CHD1: variants seen among roughly 807,000 people sequenced by gnomAD.
CHD1 encodes the protein ATP-dependent chromatin remodeler CHD1.
Under a neutral mutation model 224.2 loss-of-function variants are expected in CHD1, and 36 were observed. That is an observed-to-expected ratio of 0.16 (90% CI 0.12 to 0.21). The LOEUF (loss-of-function observed/expected upper bound fraction) is 0.21. Among genes scored for constraint, CHD1 ranks in the 10% least tolerant of loss-of-function variants. CHD1 has a pLI of 1.00. For synonymous variants in CHD1, 668 were observed against 658.3 expected, an observed-to-expected ratio of 1.01 and a Z score of -0.23; for missense variants, 1,378 against 1,994.8, an observed-to-expected ratio of 0.69 and a Z score of 5.89.
chr5:98,926,264 AC>A, intron 2 of CHD1, 69 bp downstream of exon 2: 1 of 928,924 alleles, frequency 1.1e-6, no homozygotes, highest in Non-Finnish European at 1.6e-6. Context: ...AACAACAATA[AC>A]AATAAAGAAA....
Position 98,926,319 on chromosome 5 carries a change from A to T in CHD1, c.53+15T>A, listed in dbSNP as rs761468028. ...CTCTTCATAGTAAACAATTGATAAC[A>T]AAGTGCTTACTTACCTTGATTCTCC... is the stretch of plus-strand genomic sequence containing the variant. On this transcript the variant is annotated intron_variant, in intron 2 of 35. Coordinates refer to ENST00000614616, the MANE Select transcript of CHD1 (RefSeq NM_001270.4). 1.4e-6 allele frequency: 2 copies of T among 1,469,264 alleles called. No individual in the cohort carries two copies. Among genetic ancestry groups the T allele is most frequent in the Admixed American group, 2.3e-5 (1 of 43,138 alleles). 91.0% of individuals were successfully genotyped at this position (1,469,264 alleles called of 1,614,324 possible).
At chr5:98,897,092 C>A in intron 11 of CHD1, 101 bp downstream of exon 11, 1 of 1,140,014 alleles carries the variant, frequency 8.8e-7, no homozygotes, top group South Asian at 1.4e-5. Flanking sequence ...TATAAACTGC[C>A]AAAGAGTCTT....
intron 2 of CHD1, among the ~76,000 whole-genome samples, chr5:98,922,137 G>A (rs1409112484): frequency 6.6e-6 from 1 of 151,988 alleles, no homozygotes; most frequent in Non-Finnish European, 1.5e-5. Flanking sequence ...GGGCAACAGT[G>A]AGACTCCATC....
chr5:98,918,763 A>C (rs1011474981), intron 2 of CHD1, among the ~76,000 whole-genome samples: 2 of 137,092 alleles, frequency 1.5e-5, no homozygotes, highest in African/African-American at 2.9e-5. Flanking sequence ...CAAAAAAAAA[A>C]AAAAACAAAA....
At chr5:98,856,847 G>T in intron 35 of CHD1, 122 bp from the exon 36 acceptor site, 1 of 664,038 alleles carries the variant, frequency 1.5e-6, no homozygotes. Context: ...GAAATTCAGT[G>T]TTGCATTATA....
chr5:98,860,003 T>C lies in CHD1; in HGVS notation c.4493A>G (p.Lys1498Arg). 1 of 1,550,892 alleles carries C rather than the reference T, an allele frequency of 6.4e-7. No individual in the cohort carries two copies. Among genetic ancestry groups the C allele is most frequent in the Non-Finnish European group, 8.7e-7 (1 of 1,145,304 alleles). ...CTCCTGCCGTTTTTTAATAGCATGC[T>C]TATATAATTTATGTAATTTTCTTGC... The part of the protein sequence containing the change: ...FDARKLHKLY[K>R]HAIKKRQESQ... The change falls in exon 33 of 36, where the codon AAG becomes AGG. Residue 1498 changes from lysine (K) to arginine (R), a missense_variant. Physicochemically the swap from Lys to Arg is conservative, Grantham distance 26. This residue lies in a region of CHD1 where 278 missense variants were observed against 298.5 expected (regional missense o/e 0.93). Transcript: ENST00000614616.
intron 2 of CHD1, among the ~76,000 whole-genome samples, chr5:98,923,599 A>T (rs1186969242): frequency 6.6e-6 from 1 of 151,864 alleles, no homozygotes; most frequent in Non-Finnish European, 1.5e-5. Flanking sequence ...TTTTTGGTAG[A>T]GACAGGATTT....
chr5:98,868,349 A>G, intron 31 of CHD1, 146 bp downstream of exon 31: 1 of 665,394 alleles, frequency 1.5e-6, no homozygotes, highest in Non-Finnish European at 2.3e-6. Flanking sequence ...AAAAAAAAAA[A>G]AAGACACCCT....
At chr5:98,858,100 T>C in intron 35 of CHD1, 80 bp downstream of exon 35, 1 of 1,082,078 alleles carries the variant, frequency 9.2e-7, no homozygotes, top group Non-Finnish European at 1.4e-6. Flanking sequence ...TTGAATTGGC[T>C]GACAGGTCAA....
At chr5:98,896,156 A>T (rs1751333099) in intron 12 of CHD1, 70 bp downstream of exon 12, 1 of 1,373,192 alleles carries the variant, frequency 7.3e-7, no homozygotes, top group African/African-American at 1.4e-5. Context: ...CCCCATCTCA[A>T]AACAACAAAA....
At chr5:98,896,698 T>C (rs993012080) in intron 11 of CHD1, among the ~76,000 whole-genome samples, 1 of 152,006 alleles carries the variant, frequency 6.6e-6, no homozygotes, top group Non-Finnish European at 1.5e-5. Flanking sequence ...GTATTATGTT[T>C]AATCAATTAT....
At chr5:98,911,299 A>C (rs537192485) in intron 2 of CHD1, among the ~76,000 whole-genome samples, 1 of 151,638 alleles carries the variant, frequency 6.6e-6, no homozygotes, top group South Asian at 2.1e-4. Flanking sequence ...ACTGCTCAGT[A>C]AATAAAACAG....
chr5:98,877,370 G>A (rs1749839288), intron 23 of CHD1, among the ~76,000 whole-genome samples: 1 of 152,170 alleles, frequency 6.6e-6, no homozygotes, highest in Admixed American at 6.5e-5. Context: ...TTAAAAATTA[G>A]AATGATGTAC....
At chr5:98,917,246 G>A (rs1404897158) in intron 2 of CHD1, among the ~76,000 whole-genome samples, 5 of 138,738 alleles carry the variant, frequency 3.6e-5, no homozygotes, top group East Asian at 4.3e-4. Flanking sequence ...TTTAACATAC[G>A]TGAAATTTAA....
chr5:98,868,462 TTAATAC>T (rs1561485991), intron 31 of CHD1, 27 bp downstream of exon 31: 1 of 1,574,814 alleles, frequency 6.3e-7, no homozygotes, highest in African/African-American at 1.4e-5. Flanking sequence ...GTTTTATGAG[TTAATAC>T]TAATAATCAG....
chr5:98,912,150 T>C (rs568970527), intron 2 of CHD1, among the ~76,000 whole-genome samples: 13 of 152,124 alleles, frequency 8.5e-5, no homozygotes, highest in Non-Finnish European at 1.6e-4. Context: ...ACATCCAAGA[T>C]TGTGAAATCT....
chr5:98,879,441 G>T, intron 23 of CHD1, 111 bp downstream of exon 23: 2 of 839,864 alleles, frequency 2.4e-6, no homozygotes. Context: ...ATCAAATCAA[G>T]GCCATTACAA....
chr5:98,872,604 T>C (rs767917388), intron 26 of CHD1, 49 bp from the exon 27 acceptor site: 14 of 1,519,090 alleles, frequency 9.2e-6, no homozygotes, highest in Admixed American at 3.5e-5. Flanking sequence ...TAAAACATAA[T>C]TCTACAAAAC....
intron 24 of CHD1, 76 bp downstream of exon 24, chr5:98,876,322 A>G (rs1749751522): frequency 4.1e-6 from 6 of 1,450,420 alleles, no homozygotes; most frequent in Non-Finnish European, 4.7e-6. Context: ...CAATTTTTGA[A>G]AATTACGGCG....
Sources: gnomAD v4.1 joint callset for allele counts (sites outside exome capture counted in the v4.1 genomes callset) on GRCh38, gnomAD v4.1.1 for gene constraint, gnomAD v4.1.1 regional missense constraint, MANE v1.5 for transcripts, NCBI Gene and HGNC (gene_info 2026-07-23, HGNC 2026-07-21) for gene names.